Variants in ANKRD17 observed in about 807,000 individuals in gnomAD.
ANKRD17 encodes the protein ankyrin repeat domain 17, also known as ankyrin repeat domain-containing protein 17.
A neutral mutation model predicts 229.7 loss-of-function variants in ANKRD17; 19 were observed. The ratio of observed to expected loss-of-function variants is 0.08; its 90% confidence interval spans 0.06 to 0.12. The LOEUF is 0.12. Among genes scored for constraint, ANKRD17 ranks in the 10% least tolerant of loss-of-function variants. The probability of loss-of-function intolerance (pLI) is 1.00; values close to 1 mark genes in which losing one functional copy is unlikely to be tolerated. For synonymous variants in ANKRD17, 1,112 were observed against 1,146.1 expected, an observed-to-expected ratio of 0.97 and a Z score of 0.60; for missense variants, 2,176 against 3,176.8, an observed-to-expected ratio of 0.68 and a Z score of 7.57.
intron 29 of ANKRD17, among the ~76,000 whole-genome samples, chr4:73,085,682 C>CA (rs756555808): frequency 3.9e-3 from 348 of 89,498 alleles, no homozygotes; most frequent in African/African-American, 8.9e-3. Flanking sequence ...GACCCCACCT[C>CA]AAAAAAAAAA....
At chr4:73,155,516 G>A in intron 5 of ANKRD17, 115 bp downstream of exon 5, 3 of 1,090,726 alleles carry the variant, frequency 2.8e-6, no homozygotes, top group Admixed American at 2.2e-5. Flanking sequence ...GTGAGAATAT[G>A]TAGCACTTCT....
At chr4:73,125,352 T>A in intron 16 of ANKRD17, 40 bp from the exon 17 acceptor site, 1 of 1,345,530 alleles carries the variant, frequency 7.4e-7, no homozygotes, top group Non-Finnish European at 1.1e-6. Context: ...TTAAATAACT[T>A]AAGATGTTAA....
chr4:73,174,722 A>G (rs1734503548), intron 2 of ANKRD17, among the ~76,000 whole-genome samples: 1 of 152,216 alleles, frequency 6.6e-6, no homozygotes, highest in African/African-American at 2.4e-5. Context: ...AAATTCAGCA[A>G]AGTTGCAGGA....
chr4:73,148,622 T>C (rs767256471), intron 8 of ANKRD17, among the ~76,000 whole-genome samples, 191 bp downstream of exon 8: 3 of 152,224 alleles, frequency 2.0e-5, no homozygotes, highest in Non-Finnish European at 4.4e-5. Context: ...AAGCTCTATA[T>C]GAAAGAAGTT....
intron 15 of ANKRD17, among the ~76,000 whole-genome samples, chr4:73,136,849 C>T (rs944448243): frequency 7.5e-4 from 114 of 151,496 alleles, no homozygotes; most frequent in African/African-American, 2.4e-3. Context: ...CCAGTCTGTC[C>T]GAATCACTAA....
intron 19 of ANKRD17, among the ~76,000 whole-genome samples, chr4:73,121,382 A>G (rs1401474976): frequency 6.6e-6 from 1 of 152,174 alleles, no homozygotes; most frequent in Non-Finnish European, 1.5e-5. Context: ...TTGCTTAATA[A>G]AAGCTTCTAA....
At chr4:73,108,032 A>G (rs1269600777) in intron 24 of ANKRD17, among the ~76,000 whole-genome samples, 11 of 152,206 alleles carry the variant, frequency 7.2e-5, no homozygotes, top group Non-Finnish European at 1.3e-4. Context: ...AAGGTCTCAC[A>G]CTGTTGCCTA....
chr4:73,146,832 G>A lies in ANKRD17; in HGVS notation c.1801C>T (p.Leu601=). The change falls in exon 10 of 34, where the codon CTA becomes TTA. Residue 601 remains leucine, a synonymous_variant. Transcript: ENST00000358602. ...HATTATGDTA[L]TYACENGHTD... is the part of the protein sequence containing the mutation. ...TGACCATTTTCACAGGCATATGTTA[G>A]TGCTGTATCCCCTGTTGCTGTTGTT... is the stretch of plus-strand genomic sequence containing the variant. 6.2e-7 allele frequency: 1 copy of A among 1,612,918 alleles called. No homozygotes were observed. The highest frequency in any genetic ancestry group is 8.5e-7 in the Non-Finnish European group (1 of 1,179,262).
rs1713343908 is a variant in ANKRD17 at position 73,121,662 on chromosome 4, T to G, written c.3590A>C (p.Asn1197Thr). 1 of 1,613,808 alleles carries G rather than the reference T, an allele frequency of 6.2e-7. No homozygotes were observed. The highest frequency in any genetic ancestry group is 8.5e-7 in the Non-Finnish European group (1 of 1,179,818). The change falls in exon 19 of 34, where the codon AAC (asparagine) becomes ACC (threonine). Residue 1197 changes from asparagine (N) to threonine (T), a missense_variant. This residue lies in a region of ANKRD17 where 178 missense variants were observed against 421.7 expected (regional missense o/e 0.42). Transcript: ENST00000358602. ...LSLAASGGYV[N>T]IIKILLNAGA... The stretch of plus-strand genomic sequence containing the variant: ...TGCATTTAGTAATATTTTGATGATG[T>G]TCACATAGCCACCAGAAGCAGCCAG...
intron 1 of ANKRD17, among the ~76,000 whole-genome samples, chr4:73,255,960 A>T (rs948960920): frequency 3.3e-5 from 5 of 152,162 alleles, no homozygotes; most frequent in African/African-American, 1.2e-4. Flanking sequence ...TCCTGACCTC[A>T]GGTGATCCGC....
At chr4:73,113,546 A>G (rs1725582022) in intron 24 of ANKRD17, among the ~76,000 whole-genome samples, 1 of 152,204 alleles carries the variant, frequency 6.6e-6, no homozygotes, top group Admixed American at 6.5e-5. Flanking sequence ...CCAGAACTAG[A>G]AGCTAAGTTT....
At chr4:73,239,486 C>T (rs1024573163) in intron 1 of ANKRD17, among the ~76,000 whole-genome samples, 2 of 152,074 alleles carry the variant, frequency 1.3e-5, no homozygotes, top group Admixed American at 6.5e-5. Flanking sequence ...TGTGTATTAA[C>T]GTGAAAATCT....
intron 16 of ANKRD17, among the ~76,000 whole-genome samples, chr4:73,132,022 C>T (rs996933576): frequency 6.6e-6 from 1 of 151,810 alleles, no homozygotes; most frequent in Non-Finnish European, 1.5e-5. Context: ...CTTATCAAAA[C>T]AAAAACTTTG....
chr4:73,240,975 AT>A (rs1175543696), intron 1 of ANKRD17, among the ~76,000 whole-genome samples: 4 of 151,224 alleles, frequency 2.6e-5, no homozygotes, highest in African/African-American at 9.7e-5. Flanking sequence ...CACCCAGCTA[AT>A]TTTTTTTGTA....
chr4:73,146,808 G>T lies in ANKRD17; in HGVS notation c.1825C>A (p.His609Asn). 6.2e-7 allele frequency: 1 copy of T among 1,612,798 alleles called. No individual in the cohort carries two copies. The highest frequency in any genetic ancestry group is 1.1e-5 in the South Asian group (1 of 90,870). Residue 609 changes from histidine to asparagine, a missense_variant, in exon 10 of 34, where the codon CAT becomes AAT. This residue lies in a region of ANKRD17 where 275 missense variants were observed against 386.9 expected (regional missense o/e 0.71). Coordinates refer to ENST00000358602, the MANE Select transcript of ANKRD17 (RefSeq NM_032217.5). ...TALTYACENG[H>N]TDVADVLLQA... ...AGTAAGACATCTGCTACATCAGTAT[G>T]ACCATTTTCACAGGCATATGTTAGT... is the stretch of plus-strand genomic sequence containing the variant.
At chr4:73,195,457 A>G (rs1737723382) in intron 1 of ANKRD17, among the ~76,000 whole-genome samples, 2 of 152,104 alleles carry the variant, frequency 1.3e-5, no homozygotes, top group Non-Finnish European at 2.9e-5. Context: ...TACCTTTAAC[A>G]TATCATGTAA....
chr4:73,136,896 C>G (rs1352314997), intron 15 of ANKRD17, among the ~76,000 whole-genome samples: 1 of 150,524 alleles, frequency 6.6e-6, no homozygotes, highest in Non-Finnish European at 1.5e-5. Flanking sequence ...TAAAAAAAAT[C>G]TAAGTTTTAT....
chr4:73,250,006 T>C (rs1185178000), intron 1 of ANKRD17, among the ~76,000 whole-genome samples: 3 of 152,248 alleles, frequency 2.0e-5, no homozygotes, highest in African/African-American at 2.4e-5. Flanking sequence ...ATCATTTTCA[T>C]GGTACAGCAG....
At position 73,139,854 on chromosome 4, in the gene ANKRD17, A is replaced by C. The variant is rs749180688; in HGVS notation, c.2762T>G (p.Leu921Arg). The change falls in exon 15 of 34, where the codon CTT becomes CGT. Residue 921 changes from leucine to arginine, a missense_variant. By Grantham distance (102) the Leu-to-Arg change is moderately radical (BLOSUM62 -2). Around this residue, in one of 18 missense-constraint regions of ANKRD17, gnomAD observed 230 missense variants for 252.3 expected, o/e 0.91. Coordinates refer to ENST00000358602, the MANE Select transcript of ANKRD17 (RefSeq NM_032217.5). The stretch of plus-strand genomic sequence containing the variant: ...TAACCGTGCATAGTCTCCCTCAGAA[A>C]GCTGCTCTCCAACTCCAACAGGAGT... ...LLTPVGVGEQ[L>R]SEGDYARLQQ... 2 of 1,614,214 alleles carry C rather than the reference A, an allele frequency of 1.2e-6. No individual in the cohort carries two copies. Among genetic ancestry groups the C allele is most frequent in the South Asian group, 1.1e-5 (1 of 91,084 alleles).
Sources: gnomAD v4.1 joint callset for allele counts (sites outside exome capture counted in the v4.1 genomes callset) on GRCh38, gnomAD v4.1.1 for gene constraint, gnomAD v4.1.1 regional missense constraint, MANE v1.5 for transcripts, NCBI Gene and HGNC (gene_info 2026-07-23, HGNC 2026-07-21) for gene names.